The following EFR3A variants were observed in gnomAD, a reference collection of about 807,000 sequenced individuals.
EFR3A encodes protein EFR3 homolog A.
A neutral mutation model predicts 104.4 loss-of-function variants in EFR3A; 76 were observed. The ratio of observed to expected loss-of-function variants is 0.73; its 90% CI spans 0.60 to 0.88. The LOEUF is 0.88. Among genes scored for constraint, EFR3A ranks in the 40% least tolerant of loss-of-function variants. The probability of loss-of-function intolerance (pLI) is 0.00; values close to 1 mark genes in which losing one functional copy is unlikely to be tolerated. For synonymous variants in EFR3A, 330 were observed against 330.0 expected (o/e 1.00, Z 0.00); for missense variants, 985 against 1,012.5 (o/e 0.97, Z 0.37).
At position 131,978,991 on chromosome 8, in the gene EFR3A, G is replaced by C. The variant is rs1232306692; in HGVS notation, c.1471G>C (p.Asp491His). Reference protein sequence around the residue: ...EVMHNLMDRHDNRAKLRGIRI... With the variant: ...EVMHNLMDRHHNRAKLRGIRI... ...AATGCATAATCTCATGGATCGTCAT[G>C]ACAATAGGGCAAAGCTTCGAGGGAT... Residue 491 changes from aspartate (D) to histidine (H), a missense_variant, in exon 13 of 23, where the codon GAC becomes CAC. Coordinates refer to ENST00000254624, the MANE Select transcript of EFR3A (RefSeq NM_015137.6). The C allele has an allele frequency of 6.2e-7, 1 of 1,612,168 alleles. No homozygotes were observed. The highest frequency in any genetic ancestry group is 1.3e-5 in the African/African-American group (1 of 74,870).
At chr8:131,933,644 TA>T (rs1156344766) in intron 1 of EFR3A, among the ~76,000 whole-genome samples, 2 of 152,142 alleles carry the variant, frequency 1.3e-5, no homozygotes, top group Non-Finnish European at 2.9e-5. Context: ...ATAAATATGA[TA>T]ATATACAGTA....
intron 8 of EFR3A, 42 bp from the exon 9 acceptor site, chr8:131,968,253 A>G (rs759295332): frequency 1.9e-6 from 3 of 1,592,626 alleles, no homozygotes; most frequent in African/African-American, 1.4e-5. Flanking sequence ...GCCAAGGTAC[A>G]TGTACTTTTT....
intron 8 of EFR3A, among the ~76,000 whole-genome samples, chr8:131,965,207 T>C (rs1194044478): frequency 6.6e-6 from 1 of 152,094 alleles, no homozygotes; most frequent in Non-Finnish European, 1.5e-5. Flanking sequence ...AAAGCCACAA[T>C]TGACAAATGG....
chr8:131,908,353 C>T (rs1218674951), intron 1 of EFR3A, among the ~76,000 whole-genome samples: 1 of 152,196 alleles, frequency 6.6e-6, no homozygotes, highest in Non-Finnish European at 1.5e-5. Flanking sequence ...AGCCACCGCT[C>T]CCGGCCATTT....
chr8:131,980,564 G>A (rs1229255268), intron 14 of EFR3A, among the ~76,000 whole-genome samples: 1 of 151,854 alleles, frequency 6.6e-6, no homozygotes, highest in Non-Finnish European at 1.5e-5. Flanking sequence ...ATACATTTAT[G>A]GGATATAATA....
intron 8 of EFR3A, among the ~76,000 whole-genome samples, chr8:131,961,349 T>C (rs531992602): frequency 1.3e-5 from 2 of 151,898 alleles, no homozygotes; most frequent in East Asian, 1.9e-4. Context: ...GAATAACCAA[T>C]GCAGAGAAGT....
In EFR3A at chr8:131,946,555, T is replaced by C; in HGVS notation, c.288T>C (p.Phe96=). The change falls in exon 4 of 23, where the codon TTT becomes TTC. Residue 96 remains phenylalanine, a synonymous_variant. Coordinates refer to ENST00000254624, the MANE Select transcript of EFR3A (RefSeq NM_015137.6). ...GCCATTCTCAAAGCATTAAGCCATTTGTAGAAAGCTTTCTTCATATGGTGG... is the reference window on the plus strand; with the variant it reads ...GCCATTCTCAAAGCATTAAGCCATTCGTAGAAAGCTTTCTTCATATGGTGG... ...MACHSQSIKP[F]VESFLHMVAK... 1 of 1,608,642 alleles carries C rather than the reference T, an allele frequency of 6.2e-7. No homozygotes were observed. Among genetic ancestry groups the C allele is most frequent in the Non-Finnish European group, 8.5e-7 (1 of 1,177,412 alleles).
chr8:131,991,661 G>C (rs576144134), intron 18 of EFR3A, among the ~76,000 whole-genome samples: 3 of 152,258 alleles, frequency 2.0e-5, no homozygotes, highest in African/African-American at 7.2e-5. Context: ...ACTTCTCACA[G>C]TGAAGGCATG....
At chr8:132,001,152 C>G (rs1821763618) in intron 19 of EFR3A, among the ~76,000 whole-genome samples, 1 of 152,060 alleles carries the variant, frequency 6.6e-6, no homozygotes, top group Admixed American at 6.6e-5. Flanking sequence ...TATCTCAAAG[C>G]AAGAGAGACT....
chr8:131,917,486 A>G (rs1816797245), intron 1 of EFR3A, among the ~76,000 whole-genome samples: 1 of 152,220 alleles, frequency 6.6e-6, no homozygotes, highest in South Asian at 2.1e-4. Flanking sequence ...TGGTTCAGGG[A>G]AGATTAGAGA....
At chr8:131,967,568 CTT>C (rs1376256326) in intron 8 of EFR3A, among the ~76,000 whole-genome samples, 1 of 119,396 alleles carries the variant, frequency 8.4e-6, no homozygotes, top group Non-Finnish European at 1.8e-5. Context: ...CTTTGCTGTT[CTT>C]CAAAAAAAAA....
chr8:131,941,665 G>C (rs145389600), intron 2 of EFR3A, among the ~76,000 whole-genome samples: 1 of 152,084 alleles, frequency 6.6e-6, no homozygotes. Flanking sequence ...AAAATGCTAA[G>C]TAAATCAGGT....
At chr8:131,927,897 A>G (rs1437688775) in intron 1 of EFR3A, among the ~76,000 whole-genome samples, 2 of 152,148 alleles carry the variant, frequency 1.3e-5, no homozygotes, top group African/African-American at 4.8e-5. Context: ...AAGAACAGAT[A>G]TAGATGTGAT....
At chr8:131,994,345 G>A (rs956628550) in intron 18 of EFR3A, among the ~76,000 whole-genome samples, 4 of 152,038 alleles carry the variant, frequency 2.6e-5, no homozygotes, top group African/African-American at 9.7e-5. Context: ...CTACTGTTTT[G>A]GGGGAACATT....
chr8:131,966,190 C>T (rs1819718285), intron 8 of EFR3A, among the ~76,000 whole-genome samples: 1 of 151,984 alleles, frequency 6.6e-6, no homozygotes, highest in South Asian at 2.1e-4. Context: ...TGCACATGTA[C>T]CCTAAAACTT....
At chr8:131,956,976 T>C (rs1036989079) in intron 7 of EFR3A, among the ~76,000 whole-genome samples, 1 of 152,104 alleles carries the variant, frequency 6.6e-6, no homozygotes, top group African/African-American at 2.4e-5. Context: ...TATAAGGCCT[T>C]AAAAATCTAG....
chr8:131,998,533 A>G (rs1821618118), intron 19 of EFR3A, among the ~76,000 whole-genome samples: 1 of 151,988 alleles, frequency 6.6e-6, no homozygotes, highest in South Asian at 2.1e-4. Flanking sequence ...GAAATACCTG[A>G]TCCACTTGAG....
chr8:131,978,950 AG>A lies in EFR3A; in HGVS notation c.1431del (p.Gln477HisfsTer6). The part of the protein sequence containing the change: ...PSLMEDYELR[Q>X]LVLEVMHNLM... ...CTCATGGAGGACTACGAACTGAGAC[AG>A]TTGGTCTTGGAAGTAATGCATAATC... On this transcript the variant is annotated frameshift_variant, in exon 13 of 23. Transcript: ENST00000254624. LOFTEE classifies it high-confidence loss of function. 6.2e-7 allele frequency: 1 copy of A among 1,613,322 alleles called. No individual in the cohort carries two copies. The highest frequency in any genetic ancestry group is 8.5e-7 in the Non-Finnish European group (1 of 1,179,422).
At chr8:131,905,483 C>T (rs1282321038) in intron 1 of EFR3A, among the ~76,000 whole-genome samples, 1 of 151,928 alleles carries the variant, frequency 6.6e-6, no homozygotes, top group Non-Finnish European at 1.5e-5. Flanking sequence ...AAAGATTTTC[C>T]TGTGGCAAAT....
Sources: allele counts gnomAD v4.1 joint callset (sites outside exome capture counted in the v4.1 genomes callset), GRCh38; gene constraint gnomAD v4.1.1; transcripts MANE v1.5; gene names NCBI Gene and HGNC (gene_info 2026-07-23, HGNC 2026-07-21).